The following MSI2 variants were observed in gnomAD, a reference collection of about 807,000 sequenced individuals.
MSI2 encodes the protein musashi RNA binding protein 2.
In MSI2, 17 loss-of-function variants were observed where a neutral mutation model predicts 45.6. The observed-to-expected ratio is 0.37, with a 90% CI of 0.26 to 0.56. MSI2 has a LOEUF of 0.56. Among genes scored for constraint, MSI2 ranks in the 20% least tolerant of loss-of-function variants. The pLI is 0.77. For missense variants in MSI2, 293 were observed against 444.2 expected, an observed-to-expected ratio of 0.66 and a Z score of 3.06; for synonymous variants, 156 against 158.2, an observed-to-expected ratio of 0.99 and a Z score of 0.11.
At chr17:57,504,759 C>T (rs1207141160) in intron 6 of MSI2, among the ~76,000 whole-genome samples, 3 of 151,850 alleles carry the variant, frequency 2.0e-5, no homozygotes, top group Admixed American at 6.6e-5. Context: ...GGTGAAACCC[C>T]GAATCTACTA....
At chr17:57,275,204 G>A (rs1464269983) in intron 5 of MSI2, among the ~76,000 whole-genome samples, 2 of 152,190 alleles carry the variant, frequency 1.3e-5, no homozygotes, top group Admixed American at 6.5e-5. Context: ...ATTTTCAAGG[G>A]CAGGGAAATC....
At chr17:57,561,137 G>T (rs1291310463) in intron 7 of MSI2, among the ~76,000 whole-genome samples, 2 of 152,190 alleles carry the variant, frequency 1.3e-5, no homozygotes, top group African/African-American at 4.8e-5. Flanking sequence ...GTCTGTTCTT[G>T]AGCAATCATG....
chr17:57,632,640 T>A, intron 10 of MSI2: 4 of 1,066,124 alleles, frequency 3.8e-6, no homozygotes, highest in Non-Finnish European at 4.5e-6. Flanking sequence ...CTCCTGCCCA[T>A]CACCCTTAGA....
intron 8 of MSI2, among the ~76,000 whole-genome samples, chr17:57,605,477 G>A (rs2144510233): frequency 6.6e-6 from 1 of 152,316 alleles, no homozygotes; most frequent in South Asian, 2.1e-4. Flanking sequence ...CAGTGCCTCT[G>A]GGCTTTTCTG....
At chr17:57,593,838 C>T (rs1380948142) in intron 7 of MSI2, among the ~76,000 whole-genome samples, 1 of 151,996 alleles carries the variant, frequency 6.6e-6, no homozygotes, top group African/African-American at 2.4e-5. Flanking sequence ...ACCCAGAGTG[C>T]CCCACAGGCT....
chr17:57,593,837 G>C (rs966998404), intron 7 of MSI2, among the ~76,000 whole-genome samples: 2 of 152,056 alleles, frequency 1.3e-5, no homozygotes, highest in African/African-American at 2.4e-5. Flanking sequence ...GACCCAGAGT[G>C]CCCCACAGGC....
intron 7 of MSI2, among the ~76,000 whole-genome samples, chr17:57,557,072 C>T (rs774329009): frequency 8.5e-5 from 13 of 152,076 alleles, no homozygotes; most frequent in Admixed American, 3.3e-4. Flanking sequence ...CTGTTGGGAT[C>T]GCCAAGATGC....
At chr17:57,662,213 A>G (rs568300394) in intron 11 of MSI2, among the ~76,000 whole-genome samples, 1 of 152,288 alleles carries the variant, frequency 6.6e-6, no homozygotes, top group Admixed American at 6.5e-5. Context: ...ATGCCTTTGA[A>G]CAGCTGTGAT....
intron 5 of MSI2, among the ~76,000 whole-genome samples, chr17:57,361,352 G>A (rs892054899): frequency 1.2e-4 from 19 of 152,022 alleles, no homozygotes; most frequent in African/African-American, 4.4e-4. Context: ...TGTAAACCCA[G>A]TACTTTGGAA....
intron 6 of MSI2, among the ~76,000 whole-genome samples, chr17:57,518,326 C>G (rs574849043): frequency 6.6e-6 from 1 of 152,162 alleles, no homozygotes; most frequent in African/African-American, 2.4e-5. Context: ...CTCCTCTCCC[C>G]CTCCCCTCCC....
At chr17:57,450,531 G>A (rs879727515) in intron 6 of MSI2, among the ~76,000 whole-genome samples, 1 of 151,772 alleles carries the variant, frequency 6.6e-6, no homozygotes, top group Admixed American at 6.6e-5. Context: ...TTATCCAGGC[G>A]TGGTGGTGCA....
chr17:57,545,144 T>C (rs1288853592), intron 7 of MSI2, among the ~76,000 whole-genome samples: 1 of 151,920 alleles, frequency 6.6e-6, no homozygotes, highest in Non-Finnish European at 1.5e-5. Context: ...TAGCAGATTT[T>C]CCCCCCTCTG....
intron 10 of MSI2, chr17:57,633,186 T>TA: frequency 9.9e-7 from 1 of 1,014,364 alleles, no homozygotes; most frequent in Non-Finnish European, 1.2e-6. Context: ...ACCATGGACA[T>TA]ACTGTGTGCT....
chr17:57,404,363 A>G (rs981787193), intron 6 of MSI2, among the ~76,000 whole-genome samples: 1 of 152,272 alleles, frequency 6.6e-6, no homozygotes, highest in African/African-American at 2.4e-5. Context: ...GGACAGGAAG[A>G]TATTGTGCCC....
intron 5 of MSI2, among the ~76,000 whole-genome samples, chr17:57,371,070 TC>T (rs2083413124): frequency 6.6e-6 from 1 of 152,240 alleles, no homozygotes; most frequent in African/African-American, 2.4e-5. Context: ...GTTGCTGTTT[TC>T]TTGTTAATTT....
chr17:57,295,992 CTTTTTTTTTTTTTTTTT>C (rs386386327), intron 5 of MSI2, among the ~76,000 whole-genome samples: 5,194 of 39,188 alleles, frequency 0.13, 376 homozygotes, highest in African/African-American at 0.26. Context: ...CGCAGCCTTC[CTTTTTTTTTTTTTTTTT>C]TTTTTTTTTT....
Position 57,682,099 on chromosome 17 carries a change from A to G in MSI2, c.*2582A>G, listed in dbSNP as rs1913640846. 7 of 198,560 alleles carry G rather than the reference A, an allele frequency of 3.5e-5. No individual in the cohort carries two copies. The South Asian group carries it at 1.4e-3, about 39-fold the overall frequency. 12.3% of individuals were successfully genotyped at this position (198,560 alleles called of 1,614,324 possible). On this transcript the variant is annotated 3_prime_UTR_variant, in exon 14 of 14. Coordinates refer to ENST00000284073, the MANE Select transcript of MSI2 (RefSeq NM_138962.4). ...GATAGGTATAACATAATTAAGGTTT[A>G]AAAAAAATTAGACATAGTTATTCAG...
chr17:57,580,440 C>G (rs2088170193), intron 7 of MSI2, among the ~76,000 whole-genome samples: 1 of 152,198 alleles, frequency 6.6e-6, no homozygotes, highest in South Asian at 2.1e-4. Context: ...CCGGGTGAGG[C>G]CTGCCCCCCA....
At position 57,682,945 on chromosome 17, in the gene MSI2, C is replaced by G; in HGVS notation, c.*3428C>G. ...ACGGAGATGACCAAGCCTTGGTCTGCTCTCTAGCAGCTTCCACAGACTTGG... is the reference window on the plus strand; with the variant it reads ...ACGGAGATGACCAAGCCTTGGTCTGGTCTCTAGCAGCTTCCACAGACTTGG... On this transcript the variant is annotated 3_prime_UTR_variant, in exon 14 of 14. Transcript: ENST00000284073. 1 of 228,188 alleles carries G rather than the reference C, an allele frequency of 4.4e-6. No individual in the cohort carries two copies. The highest frequency in any genetic ancestry group is 8.7e-6 in the Non-Finnish European group (1 of 114,936). The allele number at this position is 228,188 out of a possible 1,614,324, so 14.1% of individuals were successfully genotyped here. A position where few individuals can be genotyped will look rare whatever the true frequency, so the allele number is the denominator to read the frequency against.
Sources: gnomAD v4.1 joint callset for allele counts (sites outside exome capture counted in the v4.1 genomes callset) on GRCh38, gnomAD v4.1.1 for gene constraint, MANE v1.5 for transcripts, NCBI Gene and HGNC (gene_info 2026-07-23, HGNC 2026-07-21) for gene names.